ZNF345: variants seen among roughly 807,000 people sequenced by gnomAD.
ZNF345 encodes the protein zinc finger protein 345.
For missense variants in ZNF345, 527 were observed against 589.9 expected, an observed-to-expected ratio of 0.89 and a Z score of 1.10; for synonymous variants, 166 against 187.9, an observed-to-expected ratio of 0.88 and a Z score of 0.95.
chr19:36,863,608 G>A (rs1472323762), intron 2 of ZNF345, among the ~76,000 whole-genome samples: 3 of 152,190 alleles, frequency 2.0e-5, no homozygotes, highest in African/African-American at 7.2e-5. Context: ...AGCAAGCTGA[G>A]CAGTTCTGTG....
At chr19:36,891,392 A>T in intron 3 of ZNF345, 5 of 1,249,202 alleles carry the variant, frequency 4.0e-6, no homozygotes, top group Non-Finnish European at 5.4e-6. Flanking sequence ...AAACGAATAC[A>T]TAGGAGAACC....
Position 36,877,017 on chromosome 19 carries a change from G to A in ZNF345, c.187G>A (p.Glu63Lys), listed in dbSNP as rs1197605660. The A allele has an allele frequency of 1.9e-6, 3 of 1,614,006 alleles. No homozygotes were observed. The highest frequency in any genetic ancestry group is 1.3e-5 in the African/African-American group (1 of 74,924). Reference protein sequence around the residue: ...QRIHTDEKLLECKECGKDFSF... With the variant: ...QRIHTDEKLLKCKECGKDFSF... ...AATTCATACTGATGAGAAACTCCTTGAATGTAAGGAATGTGGGAAGGATTT... is the reference window on the plus strand; with the variant it reads ...AATTCATACTGATGAGAAACTCCTTAAATGTAAGGAATGTGGGAAGGATTT... The change falls in exon 3 of 3, where the codon GAA (glutamate) becomes AAA (lysine). Residue 63 changes from glutamate to lysine, a missense_variant. Coordinates refer to ENST00000420450, the MANE Select transcript of ZNF345 (RefSeq NM_001242472.2).
chr19:36,860,369 A>T (rs1186246405), intron 2 of ZNF345, among the ~76,000 whole-genome samples: 1 of 152,206 alleles, frequency 6.6e-6, no homozygotes, highest in Non-Finnish European at 1.5e-5. Context: ...ATCCATATTT[A>T]AAATTTTTGA....
At chr19:36,891,385 C>T (rs949005205) in intron 3 of ZNF345, 36 of 1,186,880 alleles carry the variant, frequency 3.0e-5, no homozygotes, top group East Asian at 1.9e-4. Flanking sequence ...CGTTTAAAAA[C>T]GAATACATAG....
intron 3 of ZNF345, chr19:36,892,024 T>C (rs774296155): frequency 2.5e-6 from 4 of 1,613,542 alleles, no homozygotes; most frequent in Middle Eastern, 1.7e-4. Flanking sequence ...CTGATGATCA[T>C]TAAGGTTTGA....
chr19:36,874,696 T>C (rs2072847311), intron 2 of ZNF345, among the ~76,000 whole-genome samples: 1 of 152,118 alleles, frequency 6.6e-6, no homozygotes, highest in Non-Finnish European at 1.5e-5. Flanking sequence ...GGAGAATCAC[T>C]TGAACCCGGG....
chr19:36,855,247 A>G (rs2072386440), intron 2 of ZNF345, among the ~76,000 whole-genome samples: 1 of 149,298 alleles, frequency 6.7e-6, no homozygotes, highest in African/African-American at 2.5e-5. Flanking sequence ...GGTTCACGCC[A>G]TTCTCCTGCC....
chr19:36,855,007 A>ACGTC (rs1237089942), intron 2 of ZNF345, among the ~76,000 whole-genome samples: 9 of 151,380 alleles, frequency 5.9e-5, no homozygotes, highest in African/African-American at 2.2e-4. Flanking sequence ...ACCCGCCACC[A>ACGTC]TGCCCAGCTA....
At chr19:36,884,149 T>C (rs1405514001), downstream of ZNF345, among the ~76,000 whole-genome samples, 1 of 152,184 alleles carries the variant, frequency 6.6e-6, no homozygotes, top group African/African-American at 2.4e-5. Flanking sequence ...CACTGCAACC[T>C]CCGCCTCCTG....
At chr19:36,863,677 A>G (rs1184235808) in intron 2 of ZNF345, among the ~76,000 whole-genome samples, 1 of 152,200 alleles carries the variant, frequency 6.6e-6, no homozygotes, top group East Asian at 1.9e-4. Flanking sequence ...TAGGATTTTT[A>G]TGGAAATGCT....
At chr19:36,864,950 G>C (rs891309814) in intron 2 of ZNF345, among the ~76,000 whole-genome samples, 9 of 152,148 alleles carry the variant, frequency 5.9e-5, no homozygotes, top group African/African-American at 2.2e-4. Context: ...TCCATCCTGT[G>C]TGGCAGACTG....
chr19:36,850,470 A>T (rs1263978872), upstream of ZNF345: 1 of 152,342 alleles, frequency 6.6e-6, no homozygotes, highest in Non-Finnish European at 1.5e-5. Context: ...TTTATAGCTA[A>T]CGGGCTGGGT....
At chr19:36,871,427 A>G (rs1283920693) in intron 2 of ZNF345, among the ~76,000 whole-genome samples, 1 of 151,846 alleles carries the variant, frequency 6.6e-6, no homozygotes, top group African/African-American at 2.4e-5. Flanking sequence ...ACACACATAC[A>G]CTTTTTTTTG....
intron 2 of ZNF345, among the ~76,000 whole-genome samples, chr19:36,865,424 C>T (rs996200251): frequency 2.0e-5 from 3 of 152,002 alleles, no homozygotes; most frequent in African/African-American, 7.2e-5. Context: ...ACTGACTTTG[C>T]TGTGAGATAG....
At chr19:36,861,452 A>G (rs926616047) in intron 2 of ZNF345, among the ~76,000 whole-genome samples, 3 of 152,246 alleles carry the variant, frequency 2.0e-5, no homozygotes, top group African/African-American at 7.2e-5. Flanking sequence ...GTTCAAGTCT[A>G]GAATTTATAC....
intron 2 of ZNF345, among the ~76,000 whole-genome samples, chr19:36,852,691 T>C (rs1054992292): frequency 6.6e-6 from 1 of 152,072 alleles, no homozygotes; most frequent in Non-Finnish European, 1.5e-5. Context: ...CTAAAGATAC[T>C]GTACTTATGC....
In ZNF345 at chr19:36,856,081, T is replaced by C. The variant is rs563186119; in HGVS notation, c.-47+4177T>C. ...TGAAATAACTTATGTGCACAACACT[T>C]AATACACATCAGGTGTTGAGAAAAT... On this transcript the variant is annotated intron_variant, in intron 2 of 2. Transcript: ENST00000420450. Among the ~76,000 whole-genome samples the C allele has an allele frequency of 2.6e-5, 4 of 152,350 alleles. No individual in the cohort carries two copies. In the South Asian group the frequency reaches 8.3e-4, roughly 32 times the overall value.
At chr19:36,866,642 C>T (rs144764182) in intron 2 of ZNF345, among the ~76,000 whole-genome samples, 2 of 152,094 alleles carry the variant, frequency 1.3e-5, no homozygotes, top group South Asian at 2.1e-4. Flanking sequence ...CTCCACCTCC[C>T]GATTCAAGTG....
At chr19:36,868,712 G>A (rs1040512269) in intron 2 of ZNF345, among the ~76,000 whole-genome samples, 2 of 144,910 alleles carry the variant, frequency 1.4e-5, no homozygotes, top group Non-Finnish European at 3.0e-5. Flanking sequence ...TGCAACCTCC[G>A]CTTCCTGGGT....
Sources: allele counts gnomAD v4.1 joint callset (sites outside exome capture counted in the v4.1 genomes callset), GRCh38; gene constraint gnomAD v4.1.1; transcripts MANE v1.5; gene names NCBI Gene and HGNC (gene_info 2026-07-23, HGNC 2026-07-21).